Variants in EFHB observed in about 807,000 individuals in gnomAD.
The protein encoded by EFHB is EF-hand domain-containing family member B.
Under a neutral mutation model 87.2 loss-of-function variants are expected in EFHB, and 91 were observed. The observed-to-expected ratio is 1.04, with a 90% CI of 0.88 to 1.24. The LOEUF (loss-of-function observed/expected upper bound fraction) is 1.24. Among genes scored for constraint, EFHB ranks in the 50% most tolerant of loss-of-function variants. The pLI, the probability that EFHB is intolerant of heterozygous loss-of-function variation, is 0.00. For synonymous variants in EFHB, 325 were observed against 333.6 expected (o/e 0.97, Z 0.28); for missense variants, 1,084 against 998.8 (o/e 1.09, Z -1.15).
rs568616590 is a variant in EFHB at position 19,925,745 on chromosome 3, G to T, written c.790-5178C>A. Among the ~76,000 whole-genome samples the T allele has an allele frequency of 1.2e-4, 19 of 152,246 alleles. 1 individual carries two copies. The East Asian group carries it at 3.7e-3, about 29-fold the overall frequency. On this transcript the variant is annotated intron_variant, in intron 1 of 12. Transcript: ENST00000295824. ...CCCAAGATTCAAGTCAACTCAGGAA[G>T]GTTGATATAAGACCATTTTCAGCTG...
At chr3:19,930,781 TG>T (rs1695802410) in intron 1 of EFHB, among the ~76,000 whole-genome samples, 1 of 152,070 alleles carries the variant, frequency 6.6e-6, no homozygotes, top group Admixed American at 6.6e-5. Context: ...TTTTCTTTTT[TG>T]TATAGGCAGA....
chr3:19,933,182 C>A, intron 1 of EFHB, 48 bp downstream of exon 1: 2 of 1,530,210 alleles, frequency 1.3e-6, no homozygotes, highest in African/African-American at 1.4e-5. Context: ...TCAATAAAGA[C>A]ATGGCTATAC....
In EFHB at chr3:19,918,592, G is replaced by T. The variant is rs181142073; in HGVS notation, c.997-180C>A. ...AGAATTGGCTATGAAGTTTAAACAC[G>T]CCTACAAGAACTTTCTAATGAGTTA... On this transcript the variant is annotated intron_variant, in intron 3 of 12. Coordinates refer to ENST00000295824, the MANE Select transcript of EFHB (RefSeq NM_144715.4). Among the ~76,000 whole-genome samples the T allele has an allele frequency of 3.9e-5, 6 of 152,138 alleles. No homozygotes were observed. The East Asian group carries it at 9.7e-4, about 24-fold the overall frequency.
At chr3:19,902,907 T>A (rs1452380392) in intron 6 of EFHB, among the ~76,000 whole-genome samples, 1 of 151,864 alleles carries the variant, frequency 6.6e-6, no homozygotes, top group East Asian at 2.0e-4. Flanking sequence ...CTGGGCACAG[T>A]GGCTCACGCC....
intron 1 of EFHB, chr3:19,946,358 G>A (rs1156994176): frequency 6.6e-6 from 1 of 152,308 alleles, no homozygotes; most frequent in East Asian, 1.9e-4. Flanking sequence ...AAATTCGAAT[G>A]TAGGGAACAG....
chr3:19,898,710 G>T, intron 8 of EFHB, 68 bp downstream of exon 8: 1 of 1,461,700 alleles, frequency 6.8e-7, no homozygotes, highest in Non-Finnish European at 9.6e-7. Context: ...GAGCTTAACT[G>T]CATAACTTTG....
At chr3:19,934,288 A>G (rs1695948227), upstream of EFHB, 4 of 1,341,060 alleles carry the variant, frequency 3.0e-6, no homozygotes, top group East Asian at 1.2e-4. Flanking sequence ...ATCCCTGCCC[A>G]TCTCTCATTC....
chr3:19,902,813 C>G (rs1005782523), intron 6 of EFHB, among the ~76,000 whole-genome samples: 1 of 152,160 alleles, frequency 6.6e-6, no homozygotes, highest in Non-Finnish European at 1.5e-5. Context: ...GTAGTGAGCT[C>G]TTTTTAAACT....
chr3:19,895,009 A>AT (rs34879409), intron 9 of EFHB: 6 of 137,666 alleles, frequency 4.4e-5, no homozygotes, highest in African/African-American at 1.4e-4. Flanking sequence ...TGTATATATA[A>AT]AAATATATAG....
chr3:19,883,963 G>C (rs191412837), intron 11 of EFHB, among the ~76,000 whole-genome samples: 2 of 152,306 alleles, frequency 1.3e-5, no homozygotes, highest in African/African-American at 4.8e-5. Context: ...TAAGACACCA[G>C]TTTGTGGTAC....
At chr3:19,924,374 C>T (rs964822594) in intron 1 of EFHB, among the ~76,000 whole-genome samples, 5 of 151,840 alleles carry the variant, frequency 3.3e-5, no homozygotes, top group East Asian at 1.9e-4. Flanking sequence ...CCACCACGCC[C>T]GGCTAATTTT....
At position 19,934,118 on chromosome 3, in the gene EFHB, T is replaced by C; in HGVS notation, c.-100A>G. On this transcript the variant is annotated 5_prime_UTR_variant, in exon 1 of 13. Transcript: ENST00000295824. ...CGCCTCCAATCCCTTGCGGAACCCCTCTCTCAGGAAAGAGCACAACCTCAC... is the reference window on the plus strand; with the variant it reads ...CGCCTCCAATCCCTTGCGGAACCCCCCTCTCAGGAAAGAGCACAACCTCAC... 1 of 1,466,182 alleles carries C rather than the reference T, an allele frequency of 6.8e-7. No homozygotes were observed. The allele number at this position is 1,466,182 out of a possible 1,614,324, so 90.8% of individuals were successfully genotyped here. A position where few individuals can be genotyped will look rare whatever the true frequency, so the allele number is the denominator to read the frequency against.
rs181968937 is a variant in EFHB at position 19,903,600 on chromosome 3, C to T, written c.1418+2020G>A. Among the ~76,000 whole-genome samples, 16 of 152,066 alleles carry T rather than the reference C, an allele frequency of 1.1e-4. No individual in the cohort carries two copies. The East Asian group carries it at 3.1e-3, about 29-fold the overall frequency. On this transcript the variant is annotated intron_variant, in intron 6 of 12. Transcript: ENST00000295824. ...TTAAGAAATATTTATTATGTAAATG[C>T]TTCATCCATATCCTAAATAAAAACT... is the stretch of plus-strand genomic sequence containing the variant.
rs769722429 is a variant in EFHB, at chr3:19,934,077, T to A, written c.-59A>T. 22 of 1,519,476 alleles carry A rather than the reference T, an allele frequency of 1.4e-5. No homozygotes were observed. The highest frequency in any genetic ancestry group is 1.9e-5 in the Non-Finnish European group (22 of 1,135,626). The allele number at this position is 1,519,476 out of a possible 1,614,324, so 94.1% of individuals were successfully genotyped here. A position where few individuals can be genotyped will look rare whatever the true frequency, so the allele number is the denominator to read the frequency against. ...GCGCTCATCTCTAAGGGGAAAGCTG[T>A]ACCTGGCTACAAAGACGCCTCCAAT... On this transcript the variant is annotated 5_prime_UTR_variant, in exon 1 of 13. Coordinates refer to ENST00000295824, the MANE Select transcript of EFHB (RefSeq NM_144715.4).
chr3:19,945,619 C>T (rs1430753823), intron 1 of EFHB, among the ~76,000 whole-genome samples: 4 of 152,174 alleles, frequency 2.6e-5, no homozygotes, highest in Non-Finnish European at 4.4e-5. Flanking sequence ...ATACTGTTGA[C>T]ATGACAAAAC....
At chr3:19,937,230 C>T (rs917013744), upstream of EFHB, among the ~76,000 whole-genome samples, 3 of 151,988 alleles carry the variant, frequency 2.0e-5, no homozygotes, top group African/African-American at 7.2e-5. Context: ...TATTCTTCTC[C>T]TTAGTTCTTT....
intron 9 of EFHB, among the ~76,000 whole-genome samples, chr3:19,889,450 C>T (rs937070468): frequency 6.6e-6 from 1 of 152,174 alleles, no homozygotes; most frequent in Non-Finnish European, 1.5e-5. Flanking sequence ...TTGGCCCCCT[C>T]AGAGAGACTT....
chr3:19,884,962 C>T (rs1694044469), intron 10 of EFHB, among the ~76,000 whole-genome samples: 1 of 151,666 alleles, frequency 6.6e-6, no homozygotes, highest in African/African-American at 2.4e-5. Context: ...TGGCTCACGC[C>T]TGTAATCCCA....
At chr3:19,918,812 TAA>T (rs58871755) in intron 3 of EFHB, among the ~76,000 whole-genome samples, 64 of 129,740 alleles carry the variant, frequency 4.9e-4, no homozygotes, top group Middle Eastern at 4.0e-3. Context: ...CCATAACTAC[TAA>T]AAAAAAAAAA....
Sources: gnomAD v4.1 joint callset for allele counts (sites outside exome capture counted in the v4.1 genomes callset) on GRCh38, gnomAD v4.1.1 for gene constraint, MANE v1.5 for transcripts, NCBI Gene and HGNC (gene_info 2026-07-23, HGNC 2026-07-21) for gene names.